The following SHB variants were observed in gnomAD, a reference collection of about 807,000 sequenced individuals.
SHB encodes the protein SH2 domain-containing adapter protein B.
Under a neutral mutation model 52.3 loss-of-function variants are expected in SHB, and 20 were observed. The ratio of observed to expected loss-of-function variants is 0.38; its 90% CI spans 0.27 to 0.56. The LOEUF is 0.56. Among genes scored for constraint, SHB ranks in the 20% least tolerant of loss-of-function variants. The probability of loss-of-function intolerance (pLI) is 0.71; values close to 1 mark genes in which losing one functional copy is unlikely to be tolerated. For missense variants in SHB, 825 were observed against 723.3 expected (o/e 1.14, Z -1.61); for synonymous variants, 397 against 316.5 (o/e 1.25, Z -2.70).
chr9:38,050,886 G>A (rs1291722178), intron 1 of SHB, among the ~76,000 whole-genome samples: 1 of 152,078 alleles, frequency 6.6e-6, no homozygotes, highest in Non-Finnish European at 1.5e-5. Context: ...TCTAATTTGG[G>A]GGTGATGGGA....
At chr9:37,995,115 C>T (rs1431730558) in intron 2 of SHB, among the ~76,000 whole-genome samples, 1 of 152,166 alleles carries the variant, frequency 6.6e-6, no homozygotes, top group African/African-American at 2.4e-5. Context: ...AGACAAGCTT[C>T]CTCACTCGAG....
At chr9:38,001,486 T>C (rs1741545962) in intron 2 of SHB, among the ~76,000 whole-genome samples, 2 of 152,268 alleles carry the variant, frequency 1.3e-5, no homozygotes, top group Admixed American at 1.3e-4. Context: ...TGCAAGGCTC[T>C]TTGTGGGCTG....
In SHB at chr9:38,057,532, G is replaced by A. The variant is rs140333871; in HGVS notation, c.717+10397C>T. On this transcript the variant is annotated intron_variant, in intron 1 of 5. Transcript: ENST00000377707. ...CAAGCTGGTCCCTTTCTGAGGAACC[G>A]GCTCAGAGCACAGCCAACTTGCAAG... is the stretch of plus-strand genomic sequence containing the variant. Among the ~76,000 whole-genome samples, 1,319 of 152,300 alleles carry A rather than the reference G, an allele frequency of 8.7e-3. 15 individuals are homozygous for A. The highest frequency in any genetic ancestry group is 0.029 in the African/African-American group (1,212 of 41,572).
At chr9:38,060,563 T>C (rs1008516610) in intron 1 of SHB, among the ~76,000 whole-genome samples, 1 of 152,192 alleles carries the variant, frequency 6.6e-6, no homozygotes. Flanking sequence ...GCAGTAGTAG[T>C]AGCTACCTCA....
intron 2 of SHB, among the ~76,000 whole-genome samples, chr9:37,997,368 T>C (rs1218852760): frequency 6.6e-6 from 1 of 152,216 alleles, no homozygotes; most frequent in African/African-American, 2.4e-5. Flanking sequence ...GGTCTGAGCT[T>C]GGGCTGCTGC....
intron 5 of SHB, among the ~76,000 whole-genome samples, chr9:37,940,821 C>A (rs186105307): frequency 6.6e-6 from 1 of 152,184 alleles, no homozygotes; most frequent in Non-Finnish European, 1.5e-5. Context: ...TGGCTGCCAA[C>A]ATGCTTCCCT....
intron 1 of SHB, among the ~76,000 whole-genome samples, chr9:38,037,022 C>G (rs1016675793): frequency 3.3e-5 from 5 of 152,116 alleles, no homozygotes; most frequent in Admixed American, 3.3e-4. Context: ...AAAATAGACC[C>G]AGAGAGAGCA....
chr9:37,948,890 C>G, intron 4 of SHB, 136 bp from the exon 5 acceptor site: 8 of 1,111,208 alleles, frequency 7.2e-6, no homozygotes, highest in Non-Finnish European at 1.0e-5. Context: ...CATGGGTACC[C>G]ACTGCCCGCC....
At chr9:38,051,042 C>T (rs1310450398) in intron 1 of SHB, among the ~76,000 whole-genome samples, 1 of 152,174 alleles carries the variant, frequency 6.6e-6, no homozygotes, top group African/African-American at 2.4e-5. Flanking sequence ...AAGGATTCCT[C>T]AAAACAGTTT....
At chr9:37,970,181 T>C (rs550437177) in intron 3 of SHB, among the ~76,000 whole-genome samples, 91 of 152,078 alleles carry the variant, frequency 6.0e-4, no homozygotes, top group Non-Finnish European at 1.1e-3. Context: ...GGAGTGGGGG[T>C]CTGGTGAGGC....
chr9:38,007,664 C>T (rs573825377), intron 2 of SHB, among the ~76,000 whole-genome samples: 1 of 152,362 alleles, frequency 6.6e-6, no homozygotes. Flanking sequence ...CCAGTGTTTA[C>T]TGACAACCTA....
At chr9:38,045,750 G>GT (rs1821643824) in intron 1 of SHB, among the ~76,000 whole-genome samples, 1 of 152,178 alleles carries the variant, frequency 6.6e-6, no homozygotes, top group Non-Finnish European at 1.5e-5. Flanking sequence ...TTAAAAAGAC[G>GT]TATGTTTTTT....
chr9:38,068,008 G>C lies in SHB; in HGVS notation c.638C>G (p.Thr213Arg). 2.6e-6 allele frequency: 4 copies of C among 1,525,662 alleles called. No homozygotes were observed. Among genetic ancestry groups the C allele is most frequent in the Non-Finnish European group, 2.6e-6 (3 of 1,145,048 alleles). The allele number at this position is 1,525,662 out of a possible 1,614,324, so 94.5% of individuals were successfully genotyped here. Reference protein sequence around the residue: ...ACAGGRTWSPTACGGKKLLNK... With the variant: ...ACAGGRTWSPRACGGKKLLNK... ...GAGCAGTTTCTTGCCTCCGCAGGCC[G>C]TCGGGCTCCAGGTGCGGCCGCCCGC... Residue 213 changes from threonine to arginine, a missense_variant, in exon 1 of 6, where the codon ACG (threonine) becomes AGG (arginine). Coordinates refer to ENST00000377707, the MANE Select transcript of SHB (RefSeq NM_003028.3).
chr9:37,933,375 C>G (rs1481777884), intron 5 of SHB, among the ~76,000 whole-genome samples: 3 of 152,182 alleles, frequency 2.0e-5, no homozygotes, highest in Non-Finnish European at 2.9e-5. Context: ...GAAGAGACAA[C>G]CTTTGAAGCT....
At chr9:38,022,991 C>T (rs146768596) in intron 1 of SHB, among the ~76,000 whole-genome samples, 2 of 152,308 alleles carry the variant, frequency 1.3e-5, no homozygotes, top group Non-Finnish European at 2.9e-5. Flanking sequence ...CAGTGCAAAG[C>T]CCAGACTCAA....
intron 1 of SHB, among the ~76,000 whole-genome samples, chr9:38,027,583 A>G (rs1821360209): frequency 6.6e-6 from 1 of 151,322 alleles, no homozygotes; most frequent in African/African-American, 2.4e-5. Flanking sequence ...TGAGAAGGGT[A>G]TCAGGAAAGC....
chr9:37,996,882 T>TG (rs1820952675), intron 2 of SHB, among the ~76,000 whole-genome samples: 1 of 152,252 alleles, frequency 6.6e-6, no homozygotes, highest in African/African-American at 2.4e-5. Flanking sequence ...AACTGCCCTG[T>TG]GACTCTCCAT....
intron 2 of SHB, among the ~76,000 whole-genome samples, chr9:37,990,819 A>T (rs1427206745): frequency 1.3e-5 from 2 of 152,254 alleles, no homozygotes; most frequent in Non-Finnish European, 2.9e-5. Flanking sequence ...AGTCACACGG[A>T]ATCGTTCAAT....
intron 1 of SHB, among the ~76,000 whole-genome samples, chr9:38,054,258 C>T (rs990619352): frequency 6.6e-6 from 1 of 152,234 alleles, no homozygotes; most frequent in South Asian, 2.1e-4. Flanking sequence ...ACCTTGTCAG[C>T]TAGCCCCCAC....
Sources: gnomAD v4.1 joint callset for allele counts (sites outside exome capture counted in the v4.1 genomes callset) on GRCh38, gnomAD v4.1.1 for gene constraint, MANE v1.5 for transcripts, NCBI Gene and HGNC (gene_info 2026-07-23, HGNC 2026-07-21) for gene names.